Variants in TTC39B observed in about 807,000 individuals in gnomAD.
TTC39B encodes the protein tetratricopeptide repeat domain 39B, also known as tetratricopeptide repeat protein 39B.
A neutral mutation model predicts 96.6 loss-of-function variants in TTC39B; 92 were observed. That is an observed-to-expected ratio of 0.95 (90% CI 0.80 to 1.13). The LOEUF (loss-of-function observed/expected upper bound fraction) is 1.13, where lower values mean the gene tolerates loss of function less well. Among genes scored for constraint, TTC39B ranks in the 50% most tolerant of loss-of-function variants. The pLI is 0.00. For missense variants in TTC39B, 955 were observed against 809.3 expected (o/e 1.18, Z -2.18); for synonymous variants, 367 against 299.4 (o/e 1.23, Z -2.33).
intron 1 of TTC39B, among the ~76,000 whole-genome samples, chr9:15,295,499 C>T (rs1166978474): frequency 1.3e-5 from 2 of 152,164 alleles, no homozygotes; most frequent in Admixed American, 6.5e-5. Context: ...CCAATCACTT[C>T]CCTTCTGCTT....
At chr9:15,166,751 C>T (rs536688940) in exon 20 of TTC39B, 1 of 151,390 alleles carries the variant, frequency 6.6e-6, no homozygotes, top group Non-Finnish European at 1.5e-5. Flanking sequence ...GGAGGAAGGA[C>T]TAGGATAAGA....
intron 2 of TTC39B, among the ~76,000 whole-genome samples, chr9:15,262,688 G>A (rs1822987308): frequency 6.6e-6 from 1 of 152,124 alleles, no homozygotes; most frequent in Admixed American, 6.5e-5. Flanking sequence ...AGAAAAATAA[G>A]AAACTATTTG....
At chr9:15,203,964 G>A (rs1819695395) in intron 6 of TTC39B, 74 bp from the exon 7 acceptor site, 1 of 1,398,896 alleles carries the variant, frequency 7.1e-7, no homozygotes, top group African/African-American at 1.4e-5. Context: ...GTTCAGGAAA[G>A]ACTGGCAGAA....
chr9:15,186,831 G>C lies in TTC39B; in HGVS notation c.1487+113C>G, dbSNP rs186676625. On this transcript the variant is annotated intron_variant, in intron 15 of 19. Coordinates refer to ENST00000512701, the Ensembl canonical transcript of TTC39B. ...CCACCTAAGCTTCCCAAGTAGCTGG[G>C]ACTACAAGCACATGCCACCAGGCCC... 378 of 920,162 alleles carry C rather than the reference G, an allele frequency of 4.1e-4. 2 individuals carry two copies. The African/African-American group carries it at 5.7e-3, about 14-fold the overall frequency. The allele number at this position is 920,162 out of a possible 1,614,324, so 57.0% of individuals were successfully genotyped here.
At position 15,172,033 on chromosome 9, in the gene TTC39B, GT is replaced by G; in HGVS notation, c.2034del (p.Lys678AsnfsTer29). 6.2e-7 allele frequency: 1 copy of G among 1,612,246 alleles called. No homozygotes were observed. The highest frequency in any genetic ancestry group is 8.5e-7 in the Non-Finnish European group (1 of 1,178,668). ...TCAAGTTCTGATCAATCTGAGGAAG[GT>G]TTTCTCCAGAGGTGAAGAGCTGCCT... On this transcript the variant is annotated frameshift_variant, in exon 20 of 20. Transcript: ENST00000512701. LOFTEE classifies it high-confidence loss of function.
At chr9:15,185,499 C>T in intron 15 of TTC39B, 93 bp from the exon 16 acceptor site, 1 of 1,555,184 alleles carries the variant, frequency 6.4e-7, no homozygotes, top group East Asian at 2.3e-5. Context: ...TCACAGACCA[C>T]CAGCAGCAGC....
chr9:15,273,120 C>T (rs913603060), intron 1 of TTC39B, among the ~76,000 whole-genome samples: 3 of 152,224 alleles, frequency 2.0e-5, no homozygotes, highest in African/African-American at 7.2e-5. Context: ...AGTGGAAGAG[C>T]AGGTTCTTGA....
chr9:15,282,075 A>C (rs1311231033), intron 1 of TTC39B, among the ~76,000 whole-genome samples: 1 of 152,258 alleles, frequency 6.6e-6, no homozygotes, highest in Non-Finnish European at 1.5e-5. Context: ...ACTATAAATT[A>C]ATTTGTTCAC....
At chr9:15,190,862 T>G (rs1386123033) in intron 10 of TTC39B, among the ~76,000 whole-genome samples, 200 bp from the exon 11 acceptor site, 5 of 151,974 alleles carry the variant, frequency 3.3e-5, no homozygotes, top group Admixed American at 6.6e-5. Flanking sequence ...AACCCTCTCT[T>G]CCCCCACCCC....
intron 2 of TTC39B, among the ~76,000 whole-genome samples, chr9:15,231,815 A>G (rs1240788943): frequency 6.6e-6 from 1 of 152,252 alleles, no homozygotes; most frequent in African/African-American, 2.4e-5. Flanking sequence ...TTTTCCATCA[A>G]CGTTAAAATC....
rs185867600 is a variant in TTC39B, at chr9:15,226,656, A to T, written c.276-644T>A. Among the ~76,000 whole-genome samples the T allele has an allele frequency of 2.6e-5, 4 of 152,328 alleles. No homozygotes were observed. The East Asian group carries it at 5.8e-4, about 22-fold the overall frequency. ...TTGTAAAGTACTTTATTTTTAATAA[A>T]CTGTCTAATTTCCCACTAAATACAC... is the stretch of plus-strand genomic sequence containing the variant. On this transcript the variant is annotated intron_variant, in intron 2 of 19. Transcript: ENST00000512701.
chr9:15,265,783 CTTTCCA>C (rs1442606294), intron 2 of TTC39B, among the ~76,000 whole-genome samples: 1 of 152,152 alleles, frequency 6.6e-6, no homozygotes, highest in Non-Finnish European at 1.5e-5. Context: ...AAGAATGGCC[CTTTCCA>C]TCTGGGGTCT....
At chr9:15,256,352 T>C (rs1382160880) in intron 2 of TTC39B, among the ~76,000 whole-genome samples, 1 of 152,220 alleles carries the variant, frequency 6.6e-6, no homozygotes, top group Admixed American at 6.5e-5. Context: ...AAATTTCCAT[T>C]GTTTATAAAT....
chr9:15,272,464 C>G (rs10511610), intron 1 of TTC39B, among the ~76,000 whole-genome samples: 19,679 of 152,150 alleles, frequency 0.13, 2,042 homozygotes, highest in African/African-American at 0.29. Flanking sequence ...ACACTGCCAA[C>G]AAATACAAAG....
In TTC39B at chr9:15,203,671, T is replaced by C. The variant is rs1055222194; in HGVS notation, c.759+152A>G. On this transcript the variant is annotated intron_variant, in intron 7 of 19. Transcript: ENST00000512701. ...GAGGAACAAAGCTCTCTAGCATCTT[T>C]TTTCAGCCAAAGTTTATCAGAATAA... The C allele has an allele frequency of 4.9e-6, 3 of 609,074 alleles. No homozygotes were observed. The Admixed American group carries it at 1.0e-4, about 21-fold the overall frequency. 37.7% of individuals were successfully genotyped at this position (609,074 alleles called of 1,614,324 possible).
At chr9:15,294,620 T>C (rs1386385240) in intron 1 of TTC39B, among the ~76,000 whole-genome samples, 1 of 152,060 alleles carries the variant, frequency 6.6e-6, no homozygotes, top group Non-Finnish European at 1.5e-5. Flanking sequence ...GTGAAGTGGT[T>C]TCCCCTCCCA....
At chr9:15,189,473 T>C in intron 13 of TTC39B, 101 bp downstream of exon 13, 1 of 1,276,486 alleles carries the variant, frequency 7.8e-7, no homozygotes, top group South Asian at 1.3e-5. Context: ...GTCTAGTCCA[T>C]ATAGCCAAGT....
intron 7 of TTC39B, 70 bp from the exon 8 acceptor site, chr9:15,199,995 T>A: frequency 1.2e-6 from 1 of 825,924 alleles, no homozygotes; most frequent in Non-Finnish European, 1.9e-6. Context: ...CAGTTGTGTG[T>A]TTGTGTGATT....
intron 2 of TTC39B, among the ~76,000 whole-genome samples, chr9:15,232,726 C>A (rs547398683): frequency 6.6e-6 from 1 of 152,200 alleles, no homozygotes; most frequent in Non-Finnish European, 1.5e-5. Context: ...GCCGTTGCTG[C>A]GACGCCTCTG....
Sources: gnomAD v4.1 joint callset for allele counts (sites outside exome capture counted in the v4.1 genomes callset) on GRCh38, gnomAD v4.1.1 for gene constraint, MANE v1.5 for transcripts, NCBI Gene and HGNC (gene_info 2026-07-23, HGNC 2026-07-21) for gene names.